CCDC15: variants seen among roughly 807,000 people sequenced by gnomAD.
CCDC15 encodes the protein coiled-coil domain containing 15.
CCDC15 carries 105 observed loss-of-function variants against 114.5 expected under a neutral mutation model. The observed-to-expected ratio is 0.92, with a 90% CI of 0.78 to 1.08. The LOEUF is 1.08. Among genes scored for constraint, CCDC15 ranks in the 50% least tolerant of loss-of-function variants. CCDC15 has a pLI of 0.00. For synonymous variants in CCDC15, 334 were observed against 377.8 expected (o/e 0.88, Z 1.34); for missense variants, 1,105 against 1,093.6 (o/e 1.01, Z -0.15).
chr11:124,981,061 A>G (rs1948065180), intron 6 of CCDC15, among the ~76,000 whole-genome samples: 1 of 152,092 alleles, frequency 6.6e-6, no homozygotes, highest in Non-Finnish European at 1.5e-5. Context: ...TTCCATGTAA[A>G]TGTATGGTTT....
intron 11 of CCDC15, among the ~76,000 whole-genome samples, chr11:124,998,026 T>C (rs1948405182): frequency 6.6e-6 from 1 of 152,124 alleles, no homozygotes; most frequent in Non-Finnish European, 1.5e-5. Flanking sequence ...GTAATCCTTG[T>C]TATTTAGTGG....
At chr11:124,961,029 T>G (rs1947649470) in intron 4 of CCDC15, among the ~76,000 whole-genome samples, 1 of 152,256 alleles carries the variant, frequency 6.6e-6, no homozygotes, top group South Asian at 2.1e-4. Context: ...TAAAATTTTT[T>G]TCTTTGTCCA....
intron 5 of CCDC15, among the ~76,000 whole-genome samples, chr11:124,976,879 C>A (rs1947983072): frequency 6.6e-6 from 1 of 152,018 alleles, no homozygotes. Flanking sequence ...CTACTTGCTT[C>A]CAAAGAAAGC....
intron 13 of CCDC15, among the ~76,000 whole-genome samples, chr11:125,021,103 T>C (rs966715855): frequency 3.3e-5 from 5 of 151,644 alleles, no homozygotes; most frequent in African/African-American, 9.7e-5. Context: ...GGGGAAGGTA[T>C]TGAGTAAGAA....
At position 124,959,101 on chromosome 11, in the gene CCDC15, T is replaced by C. The variant is rs1336430002; in HGVS notation, c.178-14T>C. 2 of 1,528,070 alleles carry C rather than the reference T, an allele frequency of 1.3e-6. No homozygotes were observed. Among genetic ancestry groups the C allele is most frequent in the Admixed American group, 2.3e-5 (1 of 42,732 alleles). 94.7% of individuals were successfully genotyped at this position (1,528,070 alleles called of 1,614,324 possible). ...CTAACATTTAAGTTCATTTTCTGTC[T>C]TTCATCTTTAAAGACATCAGCATAT... On this transcript the variant is annotated splice_polypyrimidine_tract_variant and intron_variant, in intron 2 of 15. Transcript: ENST00000344762.
chr11:124,979,709 C>T (rs1002132420), intron 6 of CCDC15, among the ~76,000 whole-genome samples: 8 of 152,128 alleles, frequency 5.3e-5, no homozygotes, highest in Non-Finnish European at 1.2e-4. Flanking sequence ...ATATCTTCTG[C>T]AAATAGGGAT....
intron 13 of CCDC15, among the ~76,000 whole-genome samples, chr11:125,020,175 T>C (rs978720671): frequency 1.5e-4 from 23 of 152,104 alleles, no homozygotes; most frequent in African/African-American, 5.5e-4. Flanking sequence ...AATTCTGTTA[T>C]ATCAAAGAGG....
chr11:125,012,851 T>A (rs1320744929), intron 13 of CCDC15, among the ~76,000 whole-genome samples: 1 of 152,148 alleles, frequency 6.6e-6, no homozygotes, highest in African/African-American at 2.4e-5. Context: ...AATATAAAAC[T>A]AGAATATATG....
intron 12 of CCDC15, among the ~76,000 whole-genome samples, 155 bp from the exon 13 acceptor site, chr11:125,004,954 T>C (rs567158500): frequency 6.6e-6 from 1 of 152,260 alleles, no homozygotes; most frequent in East Asian, 1.9e-4. Flanking sequence ...TGAGTGACCA[T>C]AGACAGAAGG....
chr11:125,018,547 A>T (rs556299723), intron 13 of CCDC15, among the ~76,000 whole-genome samples: 37 of 152,178 alleles, frequency 2.4e-4, no homozygotes, highest in African/African-American at 8.9e-4. Context: ...ATGGGGAGAT[A>T]TGTTTCCAAG....
rs878887902 is a variant in CCDC15, at chr11:124,986,700, T to TGTGTGCGC, written c.754-41_754-40insTGTGCGCG. The TGTGTGCGC allele has an allele frequency of 4.1e-4, 549 of 1,352,772 alleles. 3 individuals are homozygous for TGTGTGCGC. Among genetic ancestry groups the TGTGTGCGC allele is most frequent in the African/African-American group, 3.5e-3 (214 of 61,562 alleles). The allele number at this position is 1,352,772 out of a possible 1,614,324, so 83.8% of individuals were successfully genotyped here. A position where few individuals can be genotyped will look rare whatever the true frequency, so the allele number is the denominator to read the frequency against. ...GTGTGTGTGTGTGTGTTTGTGTGTGTGCGCGCGCGCGCGTGCGCGTTTTCA... is the reference window on the plus strand; with the variant it reads ...GTGTGTGTGTGTGTGTTTGTGTGTGTGTGTGCGCGCGCGCGCGCGCGTGCGCGTTTTCA... On this transcript the variant is annotated intron_variant, in intron 6 of 15. Transcript: ENST00000344762.
At chr11:124,984,312 C>T (rs1948121609) in intron 6 of CCDC15, among the ~76,000 whole-genome samples, 2 of 152,064 alleles carry the variant, frequency 1.3e-5, no homozygotes. Context: ...GCATGGTCTG[C>T]CAGCACAGGA....
intron 13 of CCDC15, among the ~76,000 whole-genome samples, chr11:125,025,029 T>TATGAATAC (rs1948686640): frequency 1.1e-5 from 1 of 90,272 alleles, no homozygotes; most frequent in South Asian, 4.5e-4. Context: ...TATGAATATA[T>TATGAATAC]ATATGAATAC....
intron 13 of CCDC15, among the ~76,000 whole-genome samples, chr11:125,012,988 T>C (rs1164579343): frequency 6.6e-6 from 1 of 152,232 alleles, no homozygotes; most frequent in East Asian, 1.9e-4. Context: ...GATTATAATA[T>C]TGATCTTCTA....
intron 13 of CCDC15, among the ~76,000 whole-genome samples, chr11:125,028,079 G>C (rs1948716852): frequency 6.6e-6 from 1 of 152,116 alleles, no homozygotes; most frequent in African/African-American, 2.4e-5. Flanking sequence ...TCTCTATTGT[G>C]TTCCATTGGT....
chr11:125,016,697 G>A (rs1439499703), intron 13 of CCDC15, among the ~76,000 whole-genome samples: 1 of 152,174 alleles, frequency 6.6e-6, no homozygotes, highest in East Asian at 1.9e-4. Context: ...GTCAAAATGA[G>A]AATTTCATTC....
intron 11 of CCDC15, 100 bp downstream of exon 11, chr11:124,993,343 A>C (rs1948304344): frequency 1.4e-6 from 1 of 723,754 alleles, no homozygotes. Flanking sequence ...TTTTTGGCTG[A>C]AGATTGACAG....
At chr11:124,992,983 C>G (rs903857097) in intron 10 of CCDC15, among the ~76,000 whole-genome samples, 186 bp from the exon 11 acceptor site, 5 of 148,326 alleles carry the variant, frequency 3.4e-5, no homozygotes, top group African/African-American at 1.2e-4. Context: ...ATTCATTATA[C>G]TTTTTTTTTT....
chr11:125,001,531 A>G (rs529217906), intron 11 of CCDC15, among the ~76,000 whole-genome samples: 1 of 152,184 alleles, frequency 6.6e-6, no homozygotes, highest in East Asian at 2.0e-4. Flanking sequence ...ATCACCCCCC[A>G]AAAGTCCTGT....
Sources: gnomAD v4.1 joint callset for allele counts (sites outside exome capture counted in the v4.1 genomes callset) on GRCh38, gnomAD v4.1.1 for gene constraint, MANE v1.5 for transcripts, NCBI Gene and HGNC (gene_info 2026-07-23, HGNC 2026-07-21) for gene names.